UVRAG: variants seen among roughly 807,000 people sequenced by gnomAD.
The protein encoded by UVRAG is UV radiation resistance-associated gene protein.
A neutral mutation model predicts 78.0 loss-of-function variants in UVRAG; 19 were observed. The ratio of observed to expected loss-of-function variants is 0.24; its 90% confidence interval spans 0.17 to 0.36. UVRAG has a LOEUF of 0.36. UVRAG is among the 10% of genes least tolerant of loss of function. The probability of loss-of-function intolerance (pLI) is 1.00; values close to 1 mark genes in which losing one functional copy is unlikely to be tolerated. For synonymous variants in UVRAG, 323 were observed against 324.6 expected (o/e 1.00, Z 0.05); for missense variants, 740 against 853.8 (o/e 0.87, Z 1.66).
At chr11:76,034,349 GC>G (rs913915661) in intron 12 of UVRAG, among the ~76,000 whole-genome samples, 2 of 151,926 alleles carry the variant, frequency 1.3e-5, no homozygotes, top group African/African-American at 4.8e-5. Flanking sequence ...ATGCCAGCAT[GC>G]CCAGCTATTT....
intron 3 of UVRAG, among the ~76,000 whole-genome samples, chr11:75,878,853 A>G (rs1337128271): frequency 1.4e-5 from 2 of 140,274 alleles, no homozygotes; most frequent in Admixed American, 7.0e-5. Flanking sequence ...AGACCATGGA[A>G]AGAGAGAGAG....
intron 7 of UVRAG, among the ~76,000 whole-genome samples, chr11:75,966,381 A>T (rs1949023062): frequency 1.3e-5 from 2 of 152,116 alleles, no homozygotes; most frequent in Non-Finnish European, 2.9e-5. Context: ...TGGTAGTAGG[A>T]TTATGGTAGC....
At chr11:75,856,589 C>T (rs1318875749) in intron 2 of UVRAG, among the ~76,000 whole-genome samples, 2 of 152,108 alleles carry the variant, frequency 1.3e-5, no homozygotes, top group Non-Finnish European at 2.9e-5. Context: ...GGACTATAGG[C>T]ACACACCACC....
chr11:76,026,644 T>A (rs1286665601), intron 12 of UVRAG, among the ~76,000 whole-genome samples: 1 of 152,120 alleles, frequency 6.6e-6, no homozygotes, highest in Non-Finnish European at 1.5e-5. Flanking sequence ...GATGTTGGCA[T>A]TTAGAGCACT....
chr11:75,994,549 T>C (rs1485651960), intron 8 of UVRAG, among the ~76,000 whole-genome samples: 2 of 152,220 alleles, frequency 1.3e-5, no homozygotes, highest in African/African-American at 2.4e-5. Context: ...TAGATAACTT[T>C]TATTGAAATC....
At chr11:75,878,238 G>A (rs1421260553) in intron 3 of UVRAG, among the ~76,000 whole-genome samples, 1 of 151,480 alleles carries the variant, frequency 6.6e-6, no homozygotes, top group East Asian at 1.9e-4. Context: ...GCGGGGCAAA[G>A]GTGCTCCCCA....
intron 11 of UVRAG, among the ~76,000 whole-genome samples, chr11:76,011,084 T>A (rs77308746): frequency 0.065 from 9,965 of 152,210 alleles, 610 homozygotes; most frequent in African/African-American, 0.17. Flanking sequence ...TCTTTGAAAT[T>A]CCTTGTCTCC....
intron 6 of UVRAG, among the ~76,000 whole-genome samples, chr11:75,926,115 A>T (rs1476237969): frequency 3.3e-5 from 5 of 152,174 alleles, no homozygotes; most frequent in African/African-American, 7.2e-5. Flanking sequence ...CACACAATGG[A>T]GACTTTCCTA....
rs1952329584 is a variant in UVRAG, at chr11:76,123,551, A to G, written c.1397+7536A>G. 2.0e-5 allele frequency among the ~76,000 whole-genome samples: 3 copies of G among 152,210 alleles called. No individual in the cohort carries two copies. The South Asian group carries it at 6.2e-4, about 32-fold the overall frequency. On this transcript the variant is annotated intron_variant, in intron 14 of 14. Coordinates refer to ENST00000356136, the MANE Select transcript of UVRAG (RefSeq NM_003369.4). ...GGAAGAATAAGAATAAGATGAAAGCAAGATTTCAAAGCCATCTGTCCTGTT... is the reference window on the plus strand; with the variant it reads ...GGAAGAATAAGAATAAGATGAAAGCGAGATTTCAAAGCCATCTGTCCTGTT...
chr11:75,950,155 G>A (rs975699172), intron 6 of UVRAG, among the ~76,000 whole-genome samples: 2 of 152,082 alleles, frequency 1.3e-5, no homozygotes, highest in Admixed American at 6.5e-5. Flanking sequence ...TCATTATTCT[G>A]TTGATGGATA....
chr11:75,887,747 C>T (rs2134924089), intron 4 of UVRAG, among the ~76,000 whole-genome samples: 1 of 151,722 alleles, frequency 6.6e-6, no homozygotes, highest in African/African-American at 2.4e-5. Flanking sequence ...GCGCCGGGCC[C>T]CAAGTTTTGT....
intron 13 of UVRAG, among the ~76,000 whole-genome samples, chr11:76,106,856 T>C (rs1314188335): frequency 6.6e-6 from 1 of 152,162 alleles, no homozygotes; most frequent in African/African-American, 2.4e-5. Context: ...ATATCTACAT[T>C]AATGGATCCT....
chr11:76,102,799 A>G (rs1213419879), intron 13 of UVRAG, among the ~76,000 whole-genome samples: 1 of 152,186 alleles, frequency 6.6e-6, no homozygotes, highest in Non-Finnish European at 1.5e-5. Context: ...ATTTTATCAA[A>G]AGCCTTTTCT....
At chr11:75,889,045 C>G (rs1198906785) in intron 5 of UVRAG, 142 bp downstream of exon 5, 2 of 544,664 alleles carry the variant, frequency 3.7e-6, no homozygotes, top group Non-Finnish European at 6.0e-6. Flanking sequence ...AAGGTGGATG[C>G]TTTTTAATGG....
At chr11:75,874,104 G>T (rs1421055696) in intron 3 of UVRAG, among the ~76,000 whole-genome samples, 1 of 152,160 alleles carries the variant, frequency 6.6e-6, no homozygotes, top group Non-Finnish European at 1.5e-5. Flanking sequence ...TGAGACCTGT[G>T]GAGTCTCCCC....
intron 12 of UVRAG, among the ~76,000 whole-genome samples, chr11:76,057,714 T>TG (rs1369081767): frequency 6.6e-6 from 1 of 150,544 alleles, no homozygotes; most frequent in Non-Finnish European, 1.5e-5. Flanking sequence ...AAATGCAAGA[T>TG]GTTTTTTTTT....
At chr11:76,017,709 A>G (rs1434820689) in intron 12 of UVRAG, among the ~76,000 whole-genome samples, 1 of 152,186 alleles carries the variant, frequency 6.6e-6, no homozygotes, top group African/African-American at 2.4e-5. Context: ...CAATGGAACA[A>G]TGGAAGCCAG....
intron 1 of UVRAG, among the ~76,000 whole-genome samples, 168 bp from the exon 2 acceptor site, chr11:75,851,715 T>G (rs544207179): frequency 6.6e-6 from 1 of 152,306 alleles, no homozygotes; most frequent in East Asian, 1.9e-4. Flanking sequence ...AATTCCTGTT[T>G]GACAGAGGGG....
At chr11:76,055,291 A>G (rs1323496608) in intron 12 of UVRAG, among the ~76,000 whole-genome samples, 7 of 152,170 alleles carry the variant, frequency 4.6e-5, no homozygotes, top group African/African-American at 1.7e-4. Flanking sequence ...CAAAGGATCC[A>G]CCTGCCTTGG....
Sources: gnomAD v4.1 joint callset for allele counts (sites outside exome capture counted in the v4.1 genomes callset) on GRCh38, gnomAD v4.1.1 for gene constraint, MANE v1.5 for transcripts, NCBI Gene and HGNC (gene_info 2026-07-23, HGNC 2026-07-21) for gene names.